The following NRG1 variants were observed in gnomAD, a reference collection of about 807,000 sequenced individuals.
NRG1 encodes the protein neuregulin 1, also known as pro-neuregulin-1, membrane-bound isoform.
A neutral mutation model predicts 63.8 loss-of-function variants in NRG1; 18 were observed. That is an observed-to-expected ratio of 0.28 (90% CI 0.19 to 0.42). The LOEUF is 0.42. NRG1 is among the 10% of genes least tolerant of loss of function. The pLI, the probability that NRG1 is intolerant of heterozygous loss-of-function variation, is 1.00. For missense variants in NRG1, 762 were observed against 814.7 expected, an observed-to-expected ratio of 0.94 and a Z score of 0.79; for synonymous variants, 302 against 301.3, an observed-to-expected ratio of 1.00 and a Z score of -0.02.
At chr8:31,741,707 A>T (rs1156533984) in intron 1 of NRG1, among the ~76,000 whole-genome samples, 1 of 152,038 alleles carries the variant, frequency 6.6e-6, no homozygotes, top group Non-Finnish European at 1.5e-5. Flanking sequence ...TCTAGAAATT[A>T]TGACAATAAG....
intron 1 of NRG1, among the ~76,000 whole-genome samples, chr8:31,825,336 G>A (rs4270922): frequency 0.21 from 31,083 of 151,624 alleles, 4,326 homozygotes; most frequent in East Asian, 0.67. Flanking sequence ...TGCAGTGAGC[G>A]GAGATCGCAC....
At chr8:31,859,541 A>G (rs1828272176) in intron 1 of NRG1, among the ~76,000 whole-genome samples, 2 of 152,218 alleles carry the variant, frequency 1.3e-5, no homozygotes, top group Admixed American at 1.3e-4. Flanking sequence ...ATGATGCCCT[A>G]AATTACATAT....
At chr8:31,711,700 C>G (rs1208531268) in intron 1 of NRG1, among the ~76,000 whole-genome samples, 1 of 152,156 alleles carries the variant, frequency 6.6e-6, no homozygotes, top group Non-Finnish European at 1.5e-5. Context: ...TTATCATAAT[C>G]TAAGTGGCTT....
chr8:31,825,292 G>A (rs1393040509), intron 1 of NRG1, among the ~76,000 whole-genome samples: 2 of 151,986 alleles, frequency 1.3e-5, no homozygotes, highest in African/African-American at 4.8e-5. Flanking sequence ...GGAGGCTGAG[G>A]CAGGAGAATG....
At chr8:32,758,474 G>A (rs1424361117) in intron 9 of NRG1, among the ~76,000 whole-genome samples, 2 of 151,578 alleles carry the variant, frequency 1.3e-5, no homozygotes, top group Non-Finnish European at 1.5e-5. Flanking sequence ...CTACTCGGGA[G>A]GGTGAGGCAG....
At chr8:31,712,105 G>C (rs991670552) in intron 1 of NRG1, among the ~76,000 whole-genome samples, 4 of 150,892 alleles carry the variant, frequency 2.7e-5, no homozygotes, top group Non-Finnish European at 5.9e-5. Flanking sequence ...ATTTTATTTT[G>C]TTCTCCTTTT....
At chr8:31,686,265 A>C (rs1808881923) in intron 1 of NRG1, among the ~76,000 whole-genome samples, 1 of 152,246 alleles carries the variant, frequency 6.6e-6, no homozygotes, top group Non-Finnish European at 1.5e-5. Context: ...ACAGACTGCT[A>C]TTCTACATCA....
chr8:32,513,892 G>A (rs868801762), intron 1 of NRG1, among the ~76,000 whole-genome samples: 8 of 152,070 alleles, frequency 5.3e-5, no homozygotes, highest in South Asian at 2.1e-4. Flanking sequence ...ATAGAAAAAC[G>A]GACCATCTAA....
chr8:32,330,325 T>C (rs964939309), intron 1 of NRG1, among the ~76,000 whole-genome samples: 1 of 152,210 alleles, frequency 6.6e-6, no homozygotes, highest in Admixed American at 6.5e-5. Context: ...AATGGCTTAA[T>C]TTTTTAGTGA....
intron 1 of NRG1, among the ~76,000 whole-genome samples, chr8:31,835,512 A>G (rs1205757898): frequency 6.6e-6 from 1 of 152,194 alleles, no homozygotes; most frequent in Non-Finnish European, 1.5e-5. Context: ...CAGCGATGAT[A>G]ATGATGGATA....
At chr8:32,202,634 T>G (rs1197534879) in intron 1 of NRG1, among the ~76,000 whole-genome samples, 2 of 151,944 alleles carry the variant, frequency 1.3e-5, no homozygotes, top group African/African-American at 4.8e-5. Context: ...TGTTGAGTGA[T>G]GGAGGTGGCT....
chr8:31,712,666 G>T (rs1410306421), intron 1 of NRG1, among the ~76,000 whole-genome samples: 1 of 152,076 alleles, frequency 6.6e-6, no homozygotes, highest in African/African-American at 2.4e-5. Flanking sequence ...AGAAATTCTT[G>T]TGCTCTTTGT....
chr8:31,988,563 A>C (rs1422140552), intron 1 of NRG1, among the ~76,000 whole-genome samples: 1 of 152,122 alleles, frequency 6.6e-6, no homozygotes, highest in South Asian at 2.1e-4. Context: ...CTGAAAACAT[A>C]TAAAAGAAAG....
At chr8:31,709,593 G>A (rs1209026197) in intron 1 of NRG1, among the ~76,000 whole-genome samples, 1 of 152,034 alleles carries the variant, frequency 6.6e-6, no homozygotes, top group Non-Finnish European at 1.5e-5. Context: ...AGAGGTTTCA[G>A]AGTATTAATA....
intron 1 of NRG1, among the ~76,000 whole-genome samples, chr8:32,421,301 A>G (rs536466463): frequency 6.6e-6 from 1 of 152,250 alleles, no homozygotes; most frequent in Non-Finnish European, 1.5e-5. Context: ...GGAAGGGACC[A>G]ATATGAGATG....
intron 1 of NRG1, among the ~76,000 whole-genome samples, chr8:31,705,162 G>A (rs1383163083): frequency 6.6e-6 from 1 of 151,868 alleles, no homozygotes; most frequent in African/African-American, 2.4e-5. Flanking sequence ...TCAGCCTTCC[G>A]AGTAGCTGGA....
At chr8:32,701,678 C>A (rs896342784) in intron 5 of NRG1, among the ~76,000 whole-genome samples, 3 of 152,180 alleles carry the variant, frequency 2.0e-5, no homozygotes, top group Non-Finnish European at 4.4e-5. Flanking sequence ...CACTTTCTAA[C>A]TTGACAAAAA....
At chr8:32,274,598 T>C (rs1041570181) in intron 1 of NRG1, among the ~76,000 whole-genome samples, 1 of 152,196 alleles carries the variant, frequency 6.6e-6, no homozygotes, top group Non-Finnish European at 1.5e-5. Flanking sequence ...TATGTAATGA[T>C]TCTGCCTGCT....
At chr8:32,298,425 T>C (rs1312739476) in intron 1 of NRG1, among the ~76,000 whole-genome samples, 1 of 152,166 alleles carries the variant, frequency 6.6e-6, no homozygotes, top group Non-Finnish European at 1.5e-5. Flanking sequence ...TTATCCAGTC[T>C]ATAAAACAAA....
Sources: gnomAD v4.1 joint callset for allele counts (sites outside exome capture counted in the v4.1 genomes callset) on GRCh38, gnomAD v4.1.1 for gene constraint, MANE v1.5 for transcripts, NCBI Gene and HGNC (gene_info 2026-07-23, HGNC 2026-07-21) for gene names.